The following CNTN3 variants were observed in gnomAD, a reference collection of about 807,000 sequenced individuals.
CNTN3 encodes contactin 3, also known as contactin-3.
Under a neutral mutation model 119.1 loss-of-function variants are expected in CNTN3, and 60 were observed. The observed-to-expected ratio is 0.50, with a 90% CI of 0.41 to 0.62. The LOEUF is 0.62. CNTN3 is among the 20% of genes least tolerant of loss of function. CNTN3 has a pLI of 0.00. For synonymous variants in CNTN3, 450 were observed against 438.7 expected, an observed-to-expected ratio of 1.03 and a Z score of -0.32; for missense variants, 1,101 against 1,242.4, an observed-to-expected ratio of 0.89 and a Z score of 1.71.
intron 1 of CNTN3, among the ~76,000 whole-genome samples, chr3:74,585,953 C>A (rs955295903): frequency 6.6e-6 from 1 of 152,080 alleles, no homozygotes; most frequent in Admixed American, 6.6e-5. Flanking sequence ...AAATTCTTTT[C>A]TTGTAACTTC....
At position 74,354,137 on chromosome 3, in the gene CNTN3, T is replaced by A. The variant is rs897671541; in HGVS notation, c.1364+7753A>T. ...ATATCTTTTAAAAACATTGCCTGGA[T>A]TATAGTTATTCATATTTGGAAAAAA... On this transcript the variant is annotated intron_variant, in intron 11 of 22. Coordinates refer to ENST00000263665, the MANE Select transcript of CNTN3 (RefSeq NM_020872.3). 5.3e-5 allele frequency among the ~76,000 whole-genome samples: 8 copies of A among 152,140 alleles called. 1 individual carries two copies. The highest frequency in any genetic ancestry group is 8.8e-5 in the Non-Finnish European group (6 of 68,038).
At chr3:74,400,133 T>A (rs1705155761) in intron 5 of CNTN3, among the ~76,000 whole-genome samples, 1 of 152,156 alleles carries the variant, frequency 6.6e-6, no homozygotes, top group African/African-American at 2.4e-5. Flanking sequence ...CATTAAAAAA[T>A]AAATTTCTGA....
chr3:74,485,579 TG>T (rs1266784966), intron 4 of CNTN3, among the ~76,000 whole-genome samples: 1 of 152,030 alleles, frequency 6.6e-6, no homozygotes, highest in South Asian at 2.1e-4. Flanking sequence ...AAAAAGTTTA[TG>T]GGGAAAACAG....
intron 20 of CNTN3, among the ~76,000 whole-genome samples, chr3:74,273,425 C>A (rs897304353): frequency 1.3e-5 from 2 of 152,142 alleles, no homozygotes; most frequent in Non-Finnish European, 2.9e-5. Context: ...GACCCACAGA[C>A]CCTCTGAAGG....
At chr3:74,376,415 T>C (rs1704476781) in intron 5 of CNTN3, among the ~76,000 whole-genome samples, 1 of 152,138 alleles carries the variant, frequency 6.6e-6, no homozygotes, top group Non-Finnish European at 1.5e-5. Flanking sequence ...AGCAGCAGCA[T>C]TAGATTCTCA....
chr3:74,330,786 C>A (rs1245194203), intron 13 of CNTN3, among the ~76,000 whole-genome samples: 1 of 151,646 alleles, frequency 6.6e-6, no homozygotes, highest in East Asian at 1.9e-4. Flanking sequence ...CCTGACCCTG[C>A]GTAGGCCTAG....
intron 2 of CNTN3, among the ~76,000 whole-genome samples, chr3:74,507,923 C>T (rs955983243): frequency 2.6e-5 from 4 of 151,838 alleles, no homozygotes; most frequent in East Asian, 3.9e-4. Context: ...TGAGCCACCG[C>T]GCCTGGCCTC....
At chr3:74,415,674 C>A (rs186436863) in intron 5 of CNTN3, among the ~76,000 whole-genome samples, 1 of 152,168 alleles carries the variant, frequency 6.6e-6, no homozygotes, top group African/African-American at 2.4e-5. Context: ...TTCATAGAAC[C>A]CAAGGGCTAG....
At chr3:74,430,382 C>T (rs1005271990) in intron 4 of CNTN3, among the ~76,000 whole-genome samples, 1 of 152,086 alleles carries the variant, frequency 6.6e-6, no homozygotes, top group South Asian at 2.1e-4. Flanking sequence ...CTGAAATATG[C>T]CAATTCCAAA....
rs530401684 is a variant in CNTN3 at position 74,422,094 on chromosome 3, C to T, written c.454+2751G>A. On this transcript the variant is annotated intron_variant, in intron 5 of 22. Coordinates refer to ENST00000263665, the MANE Select transcript of CNTN3 (RefSeq NM_020872.3). ...TTCAACCAATATTTACTGTTTGTTA[C>T]AAACCAGCCTTGTACTAGGCTCTTG... 2.4e-4 allele frequency among the ~76,000 whole-genome samples: 37 copies of T among 152,306 alleles called. 1 individual carries two copies. In the East Asian group the frequency reaches 6.4e-3, roughly 26 times the overall value.
intron 4 of CNTN3, among the ~76,000 whole-genome samples, chr3:74,460,223 A>T (rs902759687): frequency 6.6e-6 from 1 of 151,978 alleles, no homozygotes; most frequent in Admixed American, 6.6e-5. Context: ...CTTTGTTGAG[A>T]CTGCTTTACC....
At chr3:74,360,750 G>T (rs762844908) in intron 11 of CNTN3, among the ~76,000 whole-genome samples, 10 of 151,862 alleles carry the variant, frequency 6.6e-5, no homozygotes, top group Admixed American at 5.3e-4. Flanking sequence ...CTTTACTGCT[G>T]GCCCCTTCCC....
chr3:74,280,459 G>A (rs1380528931), intron 20 of CNTN3, among the ~76,000 whole-genome samples: 1 of 152,218 alleles, frequency 6.6e-6, no homozygotes, highest in African/African-American at 2.4e-5. Flanking sequence ...ACAGTTGGTT[G>A]TTTGCCCAAG....
At chr3:74,597,732 C>G (rs1314375614) in intron 1 of CNTN3, among the ~76,000 whole-genome samples, 2 of 151,984 alleles carry the variant, frequency 1.3e-5, no homozygotes, top group Non-Finnish European at 2.9e-5. Flanking sequence ...GCAGGTGATA[C>G]TTCTAATTTA....
chr3:74,407,155 G>T lies in CNTN3; in HGVS notation c.454+17690C>A, dbSNP rs538879031. 2.0e-5 allele frequency among the ~76,000 whole-genome samples: 3 copies of T among 151,782 alleles called. No homozygotes were observed. In the East Asian group the frequency reaches 5.8e-4, roughly 29 times the overall value. On this transcript the variant is annotated intron_variant, in intron 5 of 22. Coordinates refer to ENST00000263665, the MANE Select transcript of CNTN3 (RefSeq NM_020872.3). Reference sequence around the variant, plus strand: ...GTTCTATTTTTCTATGTAATGCTAAGATAAAGAAATGTGGAACTTTAGGAA... The same window carrying T: ...GTTCTATTTTTCTATGTAATGCTAATATAAAGAAATGTGGAACTTTAGGAA...
At chr3:74,465,366 T>C (rs1702443112) in intron 4 of CNTN3, among the ~76,000 whole-genome samples, 1 of 152,000 alleles carries the variant, frequency 6.6e-6, no homozygotes, top group African/African-American at 2.4e-5. Context: ...CACGACTCAG[T>C]CAAAGAGTGT....
At chr3:74,273,751 C>T (rs1701827135) in intron 20 of CNTN3, among the ~76,000 whole-genome samples, 1 of 152,186 alleles carries the variant, frequency 6.6e-6, no homozygotes, top group East Asian at 1.9e-4. Context: ...GAAACCACCA[C>T]AAGAAGGAAA....
intron 5 of CNTN3, among the ~76,000 whole-genome samples, chr3:74,424,492 G>GAGAGAGAGAGAA: frequency 6.6e-6 from 1 of 151,570 alleles, no homozygotes; most frequent in African/African-American, 2.4e-5. Context: ...GAGAGAGAGA[G>GAGAGAGAGAGAA]AGAGAAAGAG....
chr3:74,499,840 A>T lies in CNTN3; in HGVS notation c.56-55T>A. On this transcript the variant is annotated intron_variant, in intron 2 of 22. Coordinates refer to ENST00000263665, the MANE Select transcript of CNTN3 (RefSeq NM_020872.3). The stretch of plus-strand genomic sequence containing the variant: ...ATAATCAGTAAAAGGCATTGTAAAA[A>T]GTTACATTCCAGTATTGAAGAAAAC... 2.6e-6 allele frequency: 4 copies of T among 1,523,236 alleles called. No individual in the cohort carries two copies. In the South Asian group the frequency reaches 5.1e-5, roughly 19 times the overall value. 94.4% of individuals were successfully genotyped at this position (1,523,236 alleles called of 1,614,324 possible). A position where few individuals can be genotyped will look rare whatever the true frequency, so the allele number is the denominator to read the frequency against.
Sources: allele counts gnomAD v4.1 joint callset (sites outside exome capture counted in the v4.1 genomes callset), GRCh38; gene constraint gnomAD v4.1.1; transcripts MANE v1.5; gene names NCBI Gene and HGNC (gene_info 2026-07-23, HGNC 2026-07-21).